The following PRKAG2 variants were observed in gnomAD, a reference collection of about 807,000 sequenced individuals.
PRKAG2 encodes the protein protein kinase AMP-activated non-catalytic subunit gamma 2.
PRKAG2 carries 26 observed loss-of-function variants against 69.6 expected under a neutral mutation model. The observed-to-expected ratio is 0.37, with a 90% CI of 0.27 to 0.52. The LOEUF is 0.52. PRKAG2 is among the 20% of genes least tolerant of loss of function. The pLI, the probability that PRKAG2 is intolerant of heterozygous loss-of-function variation, is 0.90. For missense variants in PRKAG2, 557 were observed against 740.0 expected, an observed-to-expected ratio of 0.75 and a Z score of 2.87; for synonymous variants, 293 against 285.0, an observed-to-expected ratio of 1.03 and a Z score of -0.28.
intron 5 of PRKAG2, among the ~76,000 whole-genome samples, chr7:151,625,149 T>C (rs948288662): frequency 6.6e-6 from 1 of 152,092 alleles, no homozygotes; most frequent in Non-Finnish European, 1.5e-5. Context: ...ACCTATCAAT[T>C]GTGAGGGATC....
chr7:151,830,319 C>T (rs1342882937), intron 1 of PRKAG2, among the ~76,000 whole-genome samples: 1 of 151,946 alleles, frequency 6.6e-6, no homozygotes, highest in Non-Finnish European at 1.5e-5. Context: ...GCCACCTGCA[C>T]TGTGCTGTGT....
chr7:151,608,481 CG>C (rs948517121), intron 5 of PRKAG2, among the ~76,000 whole-genome samples: 5 of 152,016 alleles, frequency 3.3e-5, no homozygotes, highest in African/African-American at 1.2e-4. Context: ...ACATGCGCAC[CG>C]GGGGGCAGCA....
At chr7:151,730,560 CAT>C (rs1450163814) in intron 3 of PRKAG2, among the ~76,000 whole-genome samples, 1 of 151,882 alleles carries the variant, frequency 6.6e-6, no homozygotes, top group African/African-American at 2.4e-5. Context: ...AAAAGGCAAA[CAT>C]ATATATTGGG....
intron 1 of PRKAG2, among the ~76,000 whole-genome samples, chr7:151,827,767 A>AAAAAAAAAAC (rs1563733961): frequency 6.6e-6 from 1 of 150,448 alleles, no homozygotes; most frequent in African/African-American, 2.4e-5. Context: ...AAAAAAAAAA[A>AAAAAAAAAAC]AAAAAAACTG....
intron 3 of PRKAG2, among the ~76,000 whole-genome samples, chr7:151,688,322 T>C (rs1358475448): frequency 6.6e-6 from 1 of 152,236 alleles, no homozygotes; most frequent in African/African-American, 2.4e-5. Flanking sequence ...AGAAATGTCA[T>C]TCTAACCTTG....
At chr7:151,702,666 T>C (rs1213716066) in intron 3 of PRKAG2, among the ~76,000 whole-genome samples, 3 of 152,210 alleles carry the variant, frequency 2.0e-5, no homozygotes, top group African/African-American at 7.2e-5. Context: ...GTCCCAAGAA[T>C]CCCAAGTTAA....
In PRKAG2 at chr7:151,836,904, G is replaced by T. The variant is rs1256669216; in HGVS notation, c.114+39603C>A. Among the ~76,000 whole-genome samples, 1 of 152,132 alleles carries T rather than the reference G, an allele frequency of 6.6e-6. No homozygotes were observed. The highest frequency in any genetic ancestry group is 2.4e-5 in the African/African-American group (1 of 41,428). Reference sequence around the variant, plus strand: ...GCAGAACAGAGTGAGCACTCCAGACGCGAAAGGGCCCGGCCCAGCCAGCTT... The same window carrying T: ...GCAGAACAGAGTGAGCACTCCAGACTCGAAAGGGCCCGGCCCAGCCAGCTT... On this transcript the variant is annotated intron_variant, in intron 1 of 15. Coordinates refer to ENST00000287878, the MANE Select transcript of PRKAG2 (RefSeq NM_016203.4). The surrounding 1 kb of genome is among the most constrained non-coding windows in gnomAD (Gnocchi z 4.1).
At chr7:151,736,793 T>C (rs1360759719) in intron 3 of PRKAG2, among the ~76,000 whole-genome samples, 2 of 152,176 alleles carry the variant, frequency 1.3e-5, no homozygotes, top group Non-Finnish European at 2.9e-5. Context: ...AATGCGTAAT[T>C]TGAGCTCTGG....
chr7:151,768,348 C>T (rs1409974626), intron 3 of PRKAG2, among the ~76,000 whole-genome samples: 3 of 152,218 alleles, frequency 2.0e-5, no homozygotes, highest in African/African-American at 4.8e-5. Flanking sequence ...AAGGGGAATA[C>T]GCCTGCAATG....
chr7:151,704,713 T>C (rs950289831), intron 3 of PRKAG2, among the ~76,000 whole-genome samples: 1 of 152,220 alleles, frequency 6.6e-6, no homozygotes, highest in Admixed American at 6.5e-5. Flanking sequence ...ACACCTACAA[T>C]GTGCTGGGCC....
intron 3 of PRKAG2, among the ~76,000 whole-genome samples, chr7:151,758,084 A>G (rs182902521): frequency 2.0e-4 from 31 of 152,098 alleles, no homozygotes; most frequent in African/African-American, 7.5e-4. Context: ...GTCATCACCT[A>G]GAGTAGCCTT....
At chr7:151,602,526 T>C (rs1390537971) in intron 5 of PRKAG2, among the ~76,000 whole-genome samples, 2 of 152,216 alleles carry the variant, frequency 1.3e-5, no homozygotes, top group East Asian at 1.9e-4. Context: ...TAATATACCA[T>C]TTTAATGTGT....
chr7:151,632,147 GA>G lies in PRKAG2; in HGVS notation c.685-10del. 7.2e-7 allele frequency: 1 copy of G among 1,389,008 alleles called. No homozygotes were observed. The highest frequency in any genetic ancestry group is 9.5e-7 in the Non-Finnish European group (1 of 1,057,734). 86.0% of individuals were successfully genotyped at this position (1,389,008 alleles called of 1,614,324 possible). ...GCCGCCGCCAGCGCCGCCTGAGGGG[GA>G]GGAGGAGGACAGCGATCAGCATGAG... On this transcript the variant is annotated splice_polypyrimidine_tract_variant and intron_variant, in intron 4 of 15. Transcript: ENST00000287878. This position sits in a 1 kb window ranked among gnomAD's most constrained non-coding sequence, Gnocchi z 4.2.
intron 2 of PRKAG2, among the ~76,000 whole-genome samples, chr7:151,782,428 AG>A (rs2076765681): frequency 1.3e-5 from 1 of 75,034 alleles, no homozygotes; most frequent in Non-Finnish European, 3.0e-5. Context: ...AAGGAAGGAA[AG>A]AAAGAAGGAA....
intron 3 of PRKAG2, among the ~76,000 whole-genome samples, chr7:151,759,774 G>A (rs1431979314): frequency 6.6e-6 from 1 of 152,210 alleles, no homozygotes; most frequent in African/African-American, 2.4e-5. Flanking sequence ...GGTGGGCTCC[G>A]CCTGGCCAGC....
intron 3 of PRKAG2, among the ~76,000 whole-genome samples, chr7:151,680,906 A>T (rs554562245): frequency 9.8e-5 from 15 of 152,286 alleles, no homozygotes; most frequent in South Asian, 6.2e-4. Context: ...CACTTCCAAC[A>T]TTCTTCAGGG....
intron 3 of PRKAG2, among the ~76,000 whole-genome samples, chr7:151,729,704 GC>G (rs1390356772): frequency 6.6e-6 from 1 of 152,148 alleles, no homozygotes; most frequent in Admixed American, 6.5e-5. Flanking sequence ...CTGTGGCTCT[GC>G]CTGCTGCCGT....
At chr7:151,794,473 A>G (rs1204804348) in intron 1 of PRKAG2, among the ~76,000 whole-genome samples, 1 of 152,244 alleles carries the variant, frequency 6.6e-6, no homozygotes, top group East Asian at 1.9e-4. Flanking sequence ...GGACGTCATC[A>G]AAGGCCCTTC....
chr7:151,863,530 A>T (rs933256909), intron 1 of PRKAG2, among the ~76,000 whole-genome samples: 127 of 152,230 alleles, frequency 8.3e-4, no homozygotes, highest in African/African-American at 2.7e-3. Context: ...TGAGTGGCCA[A>T]AGCTAGAGGC....
Sources: allele counts gnomAD v4.1 joint callset (sites outside exome capture counted in the v4.1 genomes callset), GRCh38; gene constraint gnomAD v4.1.1; non-coding constraint Gnocchi (gnomAD v3.1); transcripts MANE v1.5; gene names NCBI Gene and HGNC (gene_info 2026-07-23, HGNC 2026-07-21).